The following CAP2 variants were observed in gnomAD, a reference collection of about 807,000 sequenced individuals.
The protein encoded by CAP2 is cyclase associated actin cytoskeleton regulatory protein 2.
In CAP2, 24 loss-of-function variants were observed where a neutral mutation model predicts 57.7. That is an observed-to-expected ratio of 0.42 (90% CI 0.30 to 0.58). The LOEUF (loss-of-function observed/expected upper bound fraction) is 0.58. CAP2 is among the 20% of genes least tolerant of loss of function. The probability of loss-of-function intolerance (pLI) is 0.22; values close to 1 mark genes in which losing one functional copy is unlikely to be tolerated. For missense variants in CAP2, 501 were observed against 590.3 expected (o/e 0.85, Z 1.57); for synonymous variants, 194 against 207.2 (o/e 0.94, Z 0.55).
intron 4 of CAP2, among the ~76,000 whole-genome samples, chr6:17,490,912 T>C (rs1477422679): frequency 6.6e-6 from 1 of 152,234 alleles, no homozygotes; most frequent in Non-Finnish European, 1.5e-5. Context: ...GAATGTCAGC[T>C]ATAAGCTCAG....
chr6:17,393,760 G>T lies in CAP2; in HGVS notation c.-2+14G>T, dbSNP rs1432571401. ...GCAGCGAAGCAGGTAATCCTGCAGC[G>T]GTCGGGGCCCGGCGAGGCGGGGAGG... On this transcript the variant is annotated intron_variant, in intron 1 of 12. Transcript: ENST00000229922. 1 of 151,700 alleles carries T rather than the reference G, an allele frequency of 6.6e-6. No homozygotes were observed. Among genetic ancestry groups the T allele is most frequent in the Non-Finnish European group, 1.5e-5 (1 of 67,506 alleles). 9.4% of individuals were successfully genotyped at this position (151,700 alleles called of 1,614,324 possible).
intron 4 of CAP2, among the ~76,000 whole-genome samples, chr6:17,465,186 T>C (rs1017104083): frequency 5.9e-5 from 9 of 152,196 alleles, no homozygotes; most frequent in African/African-American, 2.2e-4. Flanking sequence ...TGCATTCTTT[T>C]TTTTCTTTTC....
At chr6:17,449,465 G>A (rs1197388503) in intron 3 of CAP2, among the ~76,000 whole-genome samples, 1 of 151,872 alleles carries the variant, frequency 6.6e-6, no homozygotes, top group Non-Finnish European at 1.5e-5. Context: ...GGAGTGCAAT[G>A]GTGCCATCTC....
At chr6:17,510,874 A>G (rs1287729662) in intron 6 of CAP2, among the ~76,000 whole-genome samples, 1 of 152,200 alleles carries the variant, frequency 6.6e-6, no homozygotes, top group Non-Finnish European at 1.5e-5. Context: ...TTAGTATCTC[A>G]GTTCATCAGC....
At chr6:17,404,392 T>C (rs1166032303) in intron 1 of CAP2, among the ~76,000 whole-genome samples, 4 of 152,064 alleles carry the variant, frequency 2.6e-5, no homozygotes, top group Non-Finnish European at 5.9e-5. Flanking sequence ...GATCACGAGG[T>C]CAGGAGATGG....
intron 1 of CAP2, among the ~76,000 whole-genome samples, chr6:17,405,805 A>G (rs1484727316): frequency 1.3e-5 from 2 of 152,140 alleles, no homozygotes; most frequent in Non-Finnish European, 2.9e-5. Context: ...CAGTGACACA[A>G]TCTTGGCTCG....
intron 3 of CAP2, among the ~76,000 whole-genome samples, chr6:17,447,073 A>T (rs761133066): frequency 6.6e-6 from 1 of 151,620 alleles, no homozygotes; most frequent in African/African-American, 2.4e-5. Flanking sequence ...CCCAGGCTGG[A>T]GTGTGGTGGC....
intron 11 of CAP2, among the ~76,000 whole-genome samples, chr6:17,544,588 G>A (rs1169722241): frequency 6.6e-6 from 1 of 150,570 alleles, no homozygotes; most frequent in African/African-American, 2.4e-5. Flanking sequence ...GGCCCAGGCT[G>A]GAGTGCAGTG....
intron 11 of CAP2, among the ~76,000 whole-genome samples, chr6:17,545,356 AT>A (rs1344417406): frequency 6.6e-6 from 1 of 152,228 alleles, no homozygotes; most frequent in Admixed American, 6.5e-5. Context: ...AATACATCAC[AT>A]CTGAAATACA....
At chr6:17,443,635 A>G (rs897397953) in intron 3 of CAP2, among the ~76,000 whole-genome samples, 2 of 151,810 alleles carry the variant, frequency 1.3e-5, no homozygotes, top group Admixed American at 6.6e-5. Flanking sequence ...TGAATTCCTC[A>G]TGATATTGTA....
intron 4 of CAP2, among the ~76,000 whole-genome samples, chr6:17,501,700 C>A (rs963747494): frequency 1.3e-5 from 2 of 152,178 alleles, no homozygotes; most frequent in Non-Finnish European, 2.9e-5. Context: ...ACTCATCTTA[C>A]TTTTGCAAAA....
chr6:17,478,641 A>C (rs956387200), intron 4 of CAP2, among the ~76,000 whole-genome samples: 13 of 152,154 alleles, frequency 8.5e-5, no homozygotes, highest in African/African-American at 1.2e-4. Flanking sequence ...CAAACCAAAC[A>C]AAACAAAAAC....
chr6:17,551,572 A>G lies in CAP2; in HGVS notation c.1318A>G (p.Met440Val), dbSNP rs750973280. The G allele has an allele frequency of 9.3e-6, 15 of 1,612,558 alleles. No individual in the cohort carries two copies. Among genetic ancestry groups the G allele is most frequent in the Non-Finnish European group, 1.2e-5 (14 of 1,179,030 alleles). Residue 440 changes from methionine to valine, a missense_variant, in exon 12 of 13, where the codon ATG becomes GTG. Physicochemically the swap from Met to Val is conservative, Grantham distance 21. Transcript: ENST00000229922. ...CEIVSAKSSE[M>V]NILIPQDGDY... ...GATCGTGAGCGCCAAGTCATCTGAA[A>G]TGAACATACTTATCCCTCAGGATGG... is the stretch of plus-strand genomic sequence containing the variant.
At chr6:17,437,034 C>A (rs1459435166) in intron 3 of CAP2, among the ~76,000 whole-genome samples, 1 of 152,134 alleles carries the variant, frequency 6.6e-6, no homozygotes, top group Non-Finnish European at 1.5e-5. Flanking sequence ...CCCATCACCC[C>A]CAGATGGGAC....
In CAP2 at chr6:17,556,485, C is replaced by A; in HGVS notation, c.*43C>A. ...CCCCCTCACCTGAATCCCCCTCTAT[C>A]AAACAAACAAAAAAGCAGCAGTAAA... On this transcript the variant is annotated 3_prime_UTR_variant, in exon 13 of 13. Coordinates refer to ENST00000229922, the MANE Select transcript of CAP2 (RefSeq NM_006366.3). 2.2e-6 allele frequency: 3 copies of A among 1,369,074 alleles called. No individual in the cohort carries two copies. The highest frequency in any genetic ancestry group is 2.3e-5 in the East Asian group (1 of 43,788). 84.8% of individuals were successfully genotyped at this position (1,369,074 alleles called of 1,614,324 possible).
intron 4 of CAP2, among the ~76,000 whole-genome samples, chr6:17,483,803 CG>C (rs1296594975): frequency 6.6e-6 from 1 of 152,006 alleles, no homozygotes; most frequent in African/African-American, 2.4e-5. Flanking sequence ...GCATGGCTGA[CG>C]GGGTTGTTTT....
intron 7 of CAP2, among the ~76,000 whole-genome samples, chr6:17,520,543 G>A (rs1248674027): frequency 2.0e-5 from 3 of 152,100 alleles, no homozygotes; most frequent in Non-Finnish European, 2.9e-5. Flanking sequence ...ACAAGGTGGC[G>A]TTTCATTTTT....
intron 3 of CAP2, among the ~76,000 whole-genome samples, chr6:17,453,662 A>G (rs564726464): frequency 5.9e-4 from 90 of 152,312 alleles, no homozygotes; most frequent in African/African-American, 2.0e-3. Flanking sequence ...GGAGAGTGTC[A>G]TTGAGGAAGC....
At chr6:17,396,505 A>G (rs1299552017) in intron 1 of CAP2, among the ~76,000 whole-genome samples, 1 of 152,216 alleles carries the variant, frequency 6.6e-6, no homozygotes, top group Non-Finnish European at 1.5e-5. Flanking sequence ...TACAACATCG[A>G]TGAATCTTGA....
Sources: gnomAD v4.1 joint callset for allele counts (sites outside exome capture counted in the v4.1 genomes callset) on GRCh38, gnomAD v4.1.1 for gene constraint, MANE v1.5 for transcripts, NCBI Gene and HGNC (gene_info 2026-07-23, HGNC 2026-07-21) for gene names.